The following GOLGA3 variants were observed in gnomAD, a reference collection of about 807,000 sequenced individuals.
GOLGA3 encodes the protein golgin A3.
A neutral mutation model predicts 169.4 loss-of-function variants in GOLGA3; 75 were observed. That is an observed-to-expected ratio of 0.44 (90% CI 0.37 to 0.54). The LOEUF is 0.54. GOLGA3 is among the 20% of genes least tolerant of loss of function. The probability of loss-of-function intolerance (pLI) is 0.00; values close to 1 mark genes in which losing one functional copy is unlikely to be tolerated. For missense variants in GOLGA3, 1,899 were observed against 1,930.0 expected, an observed-to-expected ratio of 0.98 and a Z score of 0.30; for synonymous variants, 824 against 822.4, an observed-to-expected ratio of 1.00 and a Z score of -0.03.
intron 7 of GOLGA3, among the ~76,000 whole-genome samples, chr12:132,803,217 C>G (rs1331875068): frequency 6.6e-6 from 1 of 152,222 alleles, no homozygotes. Context: ...CCAAGGCAGG[C>G]AGAGTATCCT....
Position 132,773,268 on chromosome 12 carries a change from T to A in GOLGA3, c.4334A>T (p.Gln1445Leu). Residue 1445 changes from glutamine to leucine, a missense_variant, in exon 24 of 24, where the codon CAG becomes CTG. Coordinates refer to ENST00000450791, the MANE Select transcript of GOLGA3 (RefSeq NM_001389683.1). ...LKQEMDSLQR[Q>L]MEEHALTVHE... ...CACCGTCAGGGCGTGCTCCTCCATC[T>A]GGCGCTGCAGGCTGTCCATCTCCTG... is the stretch of plus-strand genomic sequence containing the variant. 6.8e-7 allele frequency: 1 copy of A among 1,463,532 alleles called. No homozygotes were observed. Among genetic ancestry groups the A allele is most frequent in the Non-Finnish European group, 9.1e-7 (1 of 1,097,118 alleles). The allele number at this position is 1,463,532 out of a possible 1,614,324, so 90.7% of individuals were successfully genotyped here.
chr12:132,787,074 C>T (rs2136358376), intron 13 of GOLGA3, among the ~76,000 whole-genome samples: 1 of 152,224 alleles, frequency 6.6e-6, no homozygotes, highest in South Asian at 2.1e-4. Context: ...CTGCCTCAGC[C>T]TCCCGAGTGG....
At chr12:132,783,208 A>ACACC (rs2045702303) in intron 16 of GOLGA3, among the ~76,000 whole-genome samples, 3 of 83,464 alleles carry the variant, frequency 3.6e-5, no homozygotes, top group Middle Eastern at 9.6e-3. Context: ...AAAAACAAAG[A>ACACC]ACAATGGACA....
In GOLGA3 at chr12:132,791,282, C is replaced by T. The variant is rs1347595591; in HGVS notation, c.2481G>A (p.Leu827=). Residue 827 remains leucine, a synonymous_variant, in exon 12 of 24, where the codon CTG becomes CTA. Coordinates refer to ENST00000450791, the MANE Select transcript of GOLGA3 (RefSeq NM_001389683.1). ...TTTTCAGAGCAGCAGTCTCCTGCTG[C>T]AGGTGTTCCACCTGTGGGAGACATG... is the stretch of plus-strand genomic sequence containing the variant. ...LAIKSGQVEH[L]QQETAALKKQ... is the part of the protein sequence containing the mutation. The T allele has an allele frequency of 6.3e-7, 1 of 1,599,822 alleles. No individual in the cohort carries two copies. The highest frequency in any genetic ancestry group is 8.6e-7 in the Non-Finnish European group (1 of 1,168,910).
chr12:132,811,203 C>A (rs573028919), intron 4 of GOLGA3, among the ~76,000 whole-genome samples: 75 of 147,506 alleles, frequency 5.1e-4, no homozygotes, highest in African/African-American at 1.8e-3. Context: ...TGGTAGTGGT[C>A]CCCCCGGCCC....
intron 1 of GOLGA3, among the ~76,000 whole-genome samples, chr12:132,826,819 A>G (rs1353030282): frequency 3.3e-5 from 5 of 152,024 alleles, no homozygotes; most frequent in South Asian, 2.1e-4. Flanking sequence ...ATTACCTCAG[A>G]CTACTGACAA....
intron 3 of GOLGA3, 107 bp downstream of exon 3, chr12:132,816,433 G>A (rs898855110): frequency 5.2e-6 from 6 of 1,158,962 alleles, no homozygotes; most frequent in Non-Finnish European, 7.5e-6. Context: ...CACACGGCAG[G>A]CACAGGCACA....
intron 11 of GOLGA3, among the ~76,000 whole-genome samples, chr12:132,794,885 A>G (rs1948753336): frequency 6.6e-6 from 1 of 152,282 alleles, no homozygotes; most frequent in East Asian, 1.9e-4. Context: ...CTTGCCCTTG[A>G]TCCTTATAGA....
Position 132,804,956 on chromosome 12 carries a change from C to G in GOLGA3, c.1357G>C (p.Val453Leu). ...TGCTGGCTGCTGTGGCTGCACTCCA[C>G]CTGCGCCTGCAGCTTCGTGCTGAGG... is the stretch of plus-strand genomic sequence containing the variant. ...AALSTKLQAQ[V>L]ECSHSSQQRQ... The change falls in exon 7 of 24, where the codon GTG (valine) becomes CTG (leucine). Residue 453 changes from valine to leucine, a missense_variant. Val to Leu is a conservative substitution (Grantham distance 32). Transcript: ENST00000450791. This position sits in a 1 kb window ranked among gnomAD's most constrained non-coding sequence, Gnocchi z 4.1. The G allele has an allele frequency of 6.2e-7, 1 of 1,613,282 alleles. No individual in the cohort carries two copies.
At position 132,786,233 on chromosome 12, in the gene GOLGA3, C is replaced by G. The variant is rs374637074; in HGVS notation, c.3123+106G>C. ...GAGTTTAGAGAGTTGCCACCTCCCA[C>G]GCGAGCTCGGCCCCGCTAGGCTTTA... On this transcript the variant is annotated intron_variant, in intron 15 of 23. Transcript: ENST00000450791. 12 of 745,348 alleles carry G rather than the reference C, an allele frequency of 1.6e-5. 1 individual carries two copies. In the Middle Eastern group the frequency reaches 1.2e-3, roughly 74 times the overall value. The allele number at this position is 745,348 out of a possible 1,614,324, so 46.2% of individuals were successfully genotyped here. A position where few individuals can be genotyped will look rare whatever the true frequency, so the allele number is the denominator to read the frequency against.
In GOLGA3 at chr12:132,777,357, C is replaced by T. The variant is rs1468185873; in HGVS notation, c.3723-267G>A. Reference sequence around the variant, plus strand: ...CACAGATCCCAGAGAGTGCCGGCCCCGAGACCACAGTGCATGGGACCCACA... The same window carrying T: ...CACAGATCCCAGAGAGTGCCGGCCCTGAGACCACAGTGCATGGGACCCACA... On this transcript the variant is annotated intron_variant, in intron 19 of 23. Coordinates refer to ENST00000450791, the MANE Select transcript of GOLGA3 (RefSeq NM_001389683.1). The surrounding 1 kb of genome is among the most constrained non-coding windows in gnomAD (Gnocchi z 4.7). Among the ~76,000 whole-genome samples, 2 of 151,376 alleles carry T rather than the reference C, an allele frequency of 1.3e-5. No individual in the cohort carries two copies. Among genetic ancestry groups the T allele is most frequent in the South Asian group, 2.1e-4 (1 of 4,678 alleles).
intron 11 of GOLGA3, among the ~76,000 whole-genome samples, chr12:132,792,172 C>T (rs996636786): frequency 5.9e-5 from 9 of 152,186 alleles, no homozygotes; most frequent in African/African-American, 1.7e-4. Flanking sequence ...TGTGTTCTGA[C>T]GGGAACTGGT....
At chr12:132,786,831 C>T (rs779849953) in intron 13 of GOLGA3, 44 bp from the exon 14 acceptor site, 2 of 1,299,220 alleles carry the variant, frequency 1.5e-6, no homozygotes, top group South Asian at 1.2e-5. Context: ...CTGCCACCCC[C>T]AGCCTGTCTC....
chr12:132,787,271 G>A (rs2045948727), intron 13 of GOLGA3, among the ~76,000 whole-genome samples: 1 of 152,010 alleles, frequency 6.6e-6, no homozygotes, highest in African/African-American at 2.4e-5. Context: ...TCATTACTGA[G>A]ACCAACAAGC....
intron 6 of GOLGA3, 61 bp downstream of exon 6, chr12:132,807,116 A>C: frequency 1.0e-6 from 1 of 970,828 alleles, no homozygotes; most frequent in Non-Finnish European, 1.6e-6. Context: ...TACCCAACAG[A>C]GGAGCCACAC....
chr12:132,806,926 CCT>C, intron 6 of GOLGA3, among the ~76,000 whole-genome samples: 1 of 152,160 alleles, frequency 6.6e-6, no homozygotes, highest in African/African-American at 2.4e-5. Context: ...CTGTGAGACA[CCT>C]AACATCTAGC....
At chr12:132,797,477 G>A (rs1948904093) in intron 9 of GOLGA3, among the ~76,000 whole-genome samples, 2 of 152,218 alleles carry the variant, frequency 1.3e-5, no homozygotes. Context: ...TTGGGAGGCC[G>A]AGGCAGGCGG....
At chr12:132,797,286 G>T (rs1054042136) in intron 9 of GOLGA3, among the ~76,000 whole-genome samples, 2 of 152,126 alleles carry the variant, frequency 1.3e-5, no homozygotes, top group Admixed American at 6.6e-5. Flanking sequence ...AGAGCTCCCT[G>T]TACAACTGGC....
rs141506255 is a variant in GOLGA3 at position 132,780,245 on chromosome 12, A to C, written c.3582+553T>G. On this transcript the variant is annotated intron_variant, in intron 18 of 23. Transcript: ENST00000450791. ...ACCCCCCATGTGCACACACACGGCA[A>C]GCGTACTAGGAGTAGCTGCTCTGTG... Among the ~76,000 whole-genome samples the C allele has an allele frequency of 7.3e-4, 111 of 152,254 alleles. 1 individual carries two copies. Among genetic ancestry groups the C allele is most frequent in the African/African-American group, 2.6e-3 (106 of 41,562 alleles).
Sources: gnomAD v4.1 joint callset for allele counts (sites outside exome capture counted in the v4.1 genomes callset) on GRCh38, gnomAD v4.1.1 for gene constraint, Gnocchi (gnomAD v3.1) non-coding constraint, MANE v1.5 for transcripts, NCBI Gene and HGNC (gene_info 2026-07-23, HGNC 2026-07-21) for gene names.